Variants in AGAP1 observed in about 807,000 individuals in gnomAD.
AGAP1 encodes the protein arf-GAP with GTPase, ANK repeat and PH domain-containing protein 1.
A neutral mutation model predicts 105.3 loss-of-function variants in AGAP1; 29 were observed. That is an observed-to-expected ratio of 0.28 (90% CI 0.21 to 0.38). The LOEUF (loss-of-function observed/expected upper bound fraction) is 0.38, where lower values mean the gene tolerates loss of function less well. Among genes scored for constraint, AGAP1 ranks in the 10% least tolerant of loss-of-function variants. AGAP1 has a pLI of 1.00. For synonymous variants in AGAP1, 509 were observed against 485.9 expected (o/e 1.05, Z -0.63); for missense variants, 998 against 1,165.1 (o/e 0.86, Z 2.09).
At chr2:235,749,379 T>TAA (rs372905216) in intron 5 of AGAP1, among the ~76,000 whole-genome samples, 4 of 141,388 alleles carry the variant, frequency 2.8e-5, no homozygotes, top group Admixed American at 7.0e-5. Flanking sequence ...CAGCTGAGCT[T>TAA]AAAAAAAAAA....
At position 235,989,444 on chromosome 2, in the gene AGAP1, G is replaced by A. The variant is rs2055463349; in HGVS notation, c.1645+20821G>A. Among the ~76,000 whole-genome samples the A allele has an allele frequency of 1.3e-5, 2 of 152,180 alleles. No individual in the cohort carries two copies. Among genetic ancestry groups the A allele is most frequent in the Admixed American group, 1.3e-4 (2 of 15,282 alleles). On this transcript the variant is annotated intron_variant, in intron 13 of 17. Transcript: ENST00000304032. The surrounding 1 kb of genome is among the most constrained non-coding windows in gnomAD (Gnocchi z 4.4). ...AGGGTCCGCAGCTCGATGGTGATGA[G>A]TGTAGGGGAGAGGTGGGTGCTGGGA... is the stretch of plus-strand genomic sequence containing the variant.
At chr2:235,695,102 T>C (rs74471785) in intron 1 of AGAP1, among the ~76,000 whole-genome samples, 5,842 of 152,318 alleles carry the variant, frequency 0.038, 303 homozygotes, top group African/African-American at 0.11. Flanking sequence ...GATGAGAAGC[T>C]GGGAAATAAC....
Position 235,691,310 on chromosome 2 carries a change from T to C in AGAP1, c.164-17869T>C, listed in dbSNP as rs528470243. 7.9e-5 allele frequency among the ~76,000 whole-genome samples: 12 copies of C among 152,344 alleles called. No homozygotes were observed. In the East Asian group the frequency reaches 2.3e-3, roughly 29 times the overall value. ...AAGGTCACTCTCTGGCAGTGGATGC[T>C]ACCCTGTTGGTGGCAAGTTAGAAAG... On this transcript the variant is annotated intron_variant, in intron 1 of 17. Transcript: ENST00000304032. This position sits in a 1 kb window ranked among gnomAD's most constrained non-coding sequence, Gnocchi z 4.4.
chr2:235,528,112 A>C (rs1485426329), intron 1 of AGAP1, among the ~76,000 whole-genome samples: 1 of 152,222 alleles, frequency 6.6e-6, no homozygotes, highest in Admixed American at 6.5e-5. Flanking sequence ...TTGGTCTGTC[A>C]GAAATTTGTT....
rs116560239 is a variant in AGAP1, at chr2:235,749,738, G to A, written c.539-616G>A. Among the ~76,000 whole-genome samples, 627 of 152,226 alleles carry A rather than the reference G, an allele frequency of 4.1e-3. 8 individuals carry two copies. The highest frequency in any genetic ancestry group is 0.014 in the African/African-American group (589 of 41,544). On this transcript the variant is annotated intron_variant, in intron 5 of 17. Transcript: ENST00000304032. ...ACCCAAGCCTCCTGACCTCCTTCCC[G>A]GCATCAGTTAACAGTGTGGCCATCT... is the stretch of plus-strand genomic sequence containing the variant.
chr2:235,831,466 T>C (rs1292312109), intron 9 of AGAP1, among the ~76,000 whole-genome samples: 1 of 152,230 alleles, frequency 6.6e-6, no homozygotes, highest in African/African-American at 2.4e-5. Context: ...AATCCTGTGG[T>C]CCACCTCTTC....
intron 6 of AGAP1, among the ~76,000 whole-genome samples, chr2:235,762,900 T>C (rs1954573539): frequency 6.6e-6 from 1 of 152,010 alleles, no homozygotes; most frequent in Admixed American, 6.6e-5. Context: ...AGATAGATTG[T>C]AAAACCTTCA....
chr2:235,957,215 G>A lies in AGAP1; in HGVS notation c.1484-11247G>A, dbSNP rs2053988744. On this transcript the variant is annotated intron_variant, in intron 12 of 17. Transcript: ENST00000304032. The surrounding 1 kb of genome is among the most constrained non-coding windows in gnomAD (Gnocchi z 4.6). ...TTATAAACATATTTCAGTAATCAAG[G>A]TCCTCATCTCAATGGAAGATCAAAT... Among the ~76,000 whole-genome samples, 1 of 152,072 alleles carries A rather than the reference G, an allele frequency of 6.6e-6. No individual in the cohort carries two copies. The highest frequency in any genetic ancestry group is 2.4e-5 in the African/African-American group (1 of 41,408).
At position 235,979,816 on chromosome 2, in the gene AGAP1, A is replaced by C. The variant is rs2055015394; in HGVS notation, c.1645+11193A>C. On this transcript the variant is annotated intron_variant, in intron 13 of 17. Transcript: ENST00000304032. The surrounding 1 kb of genome is among the most constrained non-coding windows in gnomAD (Gnocchi z 4.5). ...AGTTTAATTCTATTTAATTTTTTTA[A>C]GTGGAAAAAAGCAAAGGAAAAATGT... Among the ~76,000 whole-genome samples, 1 of 152,222 alleles carries C rather than the reference A, an allele frequency of 6.6e-6. No homozygotes were observed. Among genetic ancestry groups the C allele is most frequent in the African/African-American group, 2.4e-5 (1 of 41,452 alleles).
At position 235,751,093 on chromosome 2, in the gene AGAP1, T is replaced by C. The variant is rs1030688829; in HGVS notation, c.673+605T>C. On this transcript the variant is annotated intron_variant, in intron 6 of 17. Transcript: ENST00000304032. This position sits in a 1 kb window ranked among gnomAD's most constrained non-coding sequence, Gnocchi z 5.3. ...GACAGAAAATTCTCCTAGGAGAGCA[T>C]GAGGTTCTGCAAGAGGGTCACATAC... Among the ~76,000 whole-genome samples, 2 of 151,994 alleles carry C rather than the reference T, an allele frequency of 1.3e-5. No homozygotes were observed. The highest frequency in any genetic ancestry group is 4.8e-5 in the African/African-American group (2 of 41,366).
intron 1 of AGAP1, among the ~76,000 whole-genome samples, chr2:235,501,885 G>A (rs189057543): frequency 2.0e-4 from 30 of 152,308 alleles, no homozygotes; most frequent in African/African-American, 6.7e-4. Flanking sequence ...TTGAGGTTCT[G>A]ATCTGGTGCT....
chr2:235,937,904 G>A (rs2053068130), intron 12 of AGAP1, among the ~76,000 whole-genome samples: 1 of 152,244 alleles, frequency 6.6e-6, no homozygotes, highest in Admixed American at 6.5e-5. Flanking sequence ...CCCCGATCTG[G>A]ACAATGAAAG....
intron 16 of AGAP1, among the ~76,000 whole-genome samples, chr2:236,085,175 C>T (rs574998854): frequency 1.4e-3 from 200 of 140,656 alleles, no homozygotes; most frequent in Non-Finnish European, 1.5e-3. Flanking sequence ...AAGATTGTGC[C>T]ACTGCACTCC....
intron 1 of AGAP1, among the ~76,000 whole-genome samples, chr2:235,676,347 C>T (rs924128239): frequency 6.6e-6 from 1 of 152,230 alleles, no homozygotes; most frequent in Non-Finnish European, 1.5e-5. Context: ...CCTCTGTGTA[C>T]TGCAGAGTTG....
chr2:236,054,076 A>G (rs1206990976), intron 16 of AGAP1, among the ~76,000 whole-genome samples: 1 of 152,202 alleles, frequency 6.6e-6, no homozygotes, highest in African/African-American at 2.4e-5. Flanking sequence ...ACACTTCCAG[A>G]TGGAACAAGT....
chr2:235,991,918 G>A (rs918876181), intron 13 of AGAP1, among the ~76,000 whole-genome samples: 3 of 152,142 alleles, frequency 2.0e-5, no homozygotes, highest in Non-Finnish European at 2.9e-5. Context: ...TAAAAGATTC[G>A]CTACAGATTC....
In AGAP1 at chr2:235,721,707, G is replaced by C. The variant is rs1480751463; in HGVS notation, c.310+4063G>C. Among the ~76,000 whole-genome samples the C allele has an allele frequency of 6.6e-6, 1 of 152,202 alleles. No individual in the cohort carries two copies. The highest frequency in any genetic ancestry group is 1.9e-4 in the East Asian group (1 of 5,194). On this transcript the variant is annotated intron_variant, in intron 3 of 17. Transcript: ENST00000304032. This position sits in a 1 kb window ranked among gnomAD's most constrained non-coding sequence, Gnocchi z 4.5. Reference sequence around the variant, plus strand: ...TGTGCGGTTCTGATTTAATTAGTGTGTGCATATCCTTTATATTCTAATCCT... The same window carrying C: ...TGTGCGGTTCTGATTTAATTAGTGTCTGCATATCCTTTATATTCTAATCCT...
chr2:235,710,738 A>G (rs911694342), intron 2 of AGAP1, among the ~76,000 whole-genome samples: 4 of 152,122 alleles, frequency 2.6e-5, no homozygotes, highest in African/African-American at 9.7e-5. Flanking sequence ...AGGCTTGGCA[A>G]TGCTGTTACC....
intron 11 of AGAP1, among the ~76,000 whole-genome samples, chr2:235,915,632 C>G (rs1263848080): frequency 2.0e-5 from 3 of 152,104 alleles, no homozygotes; most frequent in African/African-American, 7.2e-5. Context: ...CATGATCATG[C>G]CACTGTACTC....
Sources: gnomAD v4.1 joint callset for allele counts (sites outside exome capture counted in the v4.1 genomes callset) on GRCh38, gnomAD v4.1.1 for gene constraint, Gnocchi (gnomAD v3.1) non-coding constraint, MANE v1.5 for transcripts, NCBI Gene and HGNC (gene_info 2026-07-23, HGNC 2026-07-21) for gene names.